CAPZB: variants seen among roughly 807,000 people sequenced by gnomAD.
The protein encoded by CAPZB is capping actin protein of muscle Z-line subunit beta, also known as F-actin-capping protein subunit beta.
Under a neutral mutation model 38.1 loss-of-function variants are expected in CAPZB, and 2 were observed. The observed-to-expected ratio is 0.05, with a 90% CI of 0.02 to 0.17. CAPZB has a LOEUF of 0.17. Among genes scored for constraint, CAPZB ranks in the 10% least tolerant of loss-of-function variants. The pLI is 1.00. For synonymous variants in CAPZB, 107 were observed against 127.4 expected (o/e 0.84, Z 1.08); for missense variants, 161 against 334.2 (o/e 0.48, Z 4.04).
At chr1:19,422,292 G>A (rs763106495) in intron 1 of CAPZB, among the ~76,000 whole-genome samples, 2 of 152,016 alleles carry the variant, frequency 1.3e-5, no homozygotes, top group African/African-American at 4.8e-5. Context: ...CCCAAAACGC[G>A]ATACACAGCC....
At position 19,363,499 on chromosome 1, in the gene CAPZB, G is replaced by A. The variant is rs190655154; in HGVS notation, c.330-5936C>T. Among the ~76,000 whole-genome samples, 343 of 152,156 alleles carry A rather than the reference G, an allele frequency of 2.3e-3. 3 individuals are homozygous for A. In the South Asian group the frequency reaches 0.026, roughly 11 times the overall value. Reference sequence around the variant, plus strand: ...TCCAGTTGAATAATGTCATAGTCACGGATATAGATTCTATGTCCGTAACTT... The same window carrying A: ...TCCAGTTGAATAATGTCATAGTCACAGATATAGATTCTATGTCCGTAACTT... On this transcript the variant is annotated intron_variant, in intron 4 of 8. Transcript: ENST00000264202.
intron 1 of CAPZB, among the ~76,000 whole-genome samples, chr1:19,423,401 G>GT (rs779812356): frequency 6.6e-6 from 1 of 151,848 alleles, no homozygotes; most frequent in Non-Finnish European, 1.5e-5. Context: ...AAGCAACAAC[G>GT]TAAGTGACCC....
At chr1:19,393,941 CTTCCA>C (rs1200053872) in intron 2 of CAPZB, among the ~76,000 whole-genome samples, 1 of 152,214 alleles carries the variant, frequency 6.6e-6, no homozygotes, top group African/African-American at 2.4e-5. Flanking sequence ...CAAGAGGACA[CTTCCA>C]GGTCCAGCCT....
intron 6 of CAPZB, among the ~76,000 whole-genome samples, chr1:19,352,244 C>T (rs915246987): frequency 2.6e-5 from 4 of 152,226 alleles, no homozygotes; most frequent in South Asian, 2.1e-4. Flanking sequence ...CAGGCAAGTG[C>T]CTCTACTGGG....
intron 6 of CAPZB, among the ~76,000 whole-genome samples, chr1:19,350,969 A>G (rs1158520850): frequency 7.0e-6 from 1 of 143,158 alleles, no homozygotes; most frequent in African/African-American, 2.6e-5. Context: ...TTTTGTTTCT[A>G]CTCTACAATG....
intron 2 of CAPZB, among the ~76,000 whole-genome samples, chr1:19,394,668 A>G (rs1285791573): frequency 6.6e-6 from 1 of 152,186 alleles, no homozygotes; most frequent in Non-Finnish European, 1.5e-5. Context: ...GTGAGCAGAG[A>G]TCGCGCCACA....
chr1:19,469,476 C>T (rs907369832), intron 1 of CAPZB, among the ~76,000 whole-genome samples: 2 of 151,998 alleles, frequency 1.3e-5, no homozygotes, highest in Non-Finnish European at 2.9e-5. Flanking sequence ...CATGAGCTAA[C>T]CTTAGAACAC....
intron 1 of CAPZB, among the ~76,000 whole-genome samples, chr1:19,459,309 T>C (rs114149930): frequency 0.013 from 2,047 of 152,242 alleles, 24 homozygotes; most frequent in South Asian, 0.049. Flanking sequence ...CCTCAACAAA[T>C]GTCTATCAAA....
At chr1:19,474,556 C>T (rs570122308) in intron 1 of CAPZB, among the ~76,000 whole-genome samples, 16 of 152,308 alleles carry the variant, frequency 1.1e-4, no homozygotes, top group Middle Eastern at 3.4e-3. Context: ...TGACACTTCA[C>T]ATGCCTTAGA....
intron 1 of CAPZB, among the ~76,000 whole-genome samples, chr1:19,433,780 C>A (rs946321714): frequency 1.3e-5 from 2 of 152,140 alleles, no homozygotes; most frequent in African/African-American, 4.8e-5. Flanking sequence ...GGCTCTTGGG[C>A]TCCAATTTCA....
intron 1 of CAPZB, among the ~76,000 whole-genome samples, chr1:19,439,030 C>T (rs796847074): frequency 1.3e-5 from 2 of 152,338 alleles, no homozygotes; most frequent in South Asian, 2.1e-4. Context: ...TTCATTCTTA[C>T]ATGTTGTAAA....
rs568900865 is a variant in CAPZB at position 19,368,513 on chromosome 1, A to C, written c.329+10027T>G. ...TTTCTTGGAAAAAAAAAAAAAAAAA[A>C]ACGGTGGAGAGAGTCCGAGTTAAAA... On this transcript the variant is annotated intron_variant, in intron 4 of 8. Coordinates refer to ENST00000264202, the MANE Select transcript of CAPZB (RefSeq NM_004930.5). Among the ~76,000 whole-genome samples, 1,145 of 141,816 alleles carry C rather than the reference A, an allele frequency of 8.1e-3. 17 individuals carry two copies. The highest frequency in any genetic ancestry group is 0.028 in the African/African-American group (1,038 of 37,698). 93.0% of individuals were successfully genotyped at this position (141,816 alleles called of 152,430 possible). A position where few individuals can be genotyped will look rare whatever the true frequency, so the allele number is the denominator to read the frequency against.
At position 19,391,388 on chromosome 1, in the gene CAPZB, T is replaced by A. The variant is rs1471026596; in HGVS notation, c.94-5762A>T. Among the ~76,000 whole-genome samples, 5 of 152,206 alleles carry A rather than the reference T, an allele frequency of 3.3e-5. 1 individual carries two copies. Among genetic ancestry groups the A allele is most frequent in the Non-Finnish European group, 7.3e-5 (5 of 68,038 alleles). ...AATGGCCAAATGAACACATTCCATC[T>A]TTTGATCTGCCTGTTGGCCGAGAGC... is the stretch of plus-strand genomic sequence containing the variant. On this transcript the variant is annotated intron_variant, in intron 2 of 8. Transcript: ENST00000264202.
At chr1:19,341,761 C>T (rs1163043625) in intron 8 of CAPZB, among the ~76,000 whole-genome samples, 1 of 152,250 alleles carries the variant, frequency 6.6e-6, no homozygotes, top group Non-Finnish European at 1.5e-5. Context: ...GAGGCTGACC[C>T]GAGTCGTGGG....
At position 19,444,932 on chromosome 1, in the gene CAPZB, G is replaced by A. The variant is rs537488801; in HGVS notation, c.4-25182C>T. ...TAATTTTTGTATTTTTAGTAGAGAC[G>A]GGATCTCACCACGTTGGCCAGGCTG... On this transcript the variant is annotated intron_variant, in intron 1 of 8. Coordinates refer to ENST00000264202, the MANE Select transcript of CAPZB (RefSeq NM_004930.5). 7.9e-5 allele frequency among the ~76,000 whole-genome samples: 12 copies of A among 152,012 alleles called. No homozygotes were observed. The East Asian group carries it at 1.4e-3, about 17-fold the overall frequency.
chr1:19,349,770 C>A (rs7543747), intron 6 of CAPZB, among the ~76,000 whole-genome samples: 5 of 151,930 alleles, frequency 3.3e-5, no homozygotes, highest in Admixed American at 2.6e-4. Flanking sequence ...GGCCACGCAG[C>A]GGCTGGGGAG....
intron 2 of CAPZB, among the ~76,000 whole-genome samples, chr1:19,400,879 GCCT>G (rs2094299830): frequency 1.3e-5 from 2 of 152,172 alleles, no homozygotes; most frequent in South Asian, 4.1e-4. Context: ...GGAGAGCTCA[GCCT>G]CCTACCACCT....
intron 4 of CAPZB, among the ~76,000 whole-genome samples, chr1:19,377,053 G>A (rs1481521292): frequency 3.3e-5 from 5 of 152,154 alleles, no homozygotes; most frequent in Admixed American, 1.3e-4. Flanking sequence ...CATCACCATC[G>A]TTATTTTATT....
In CAPZB at chr1:19,476,530, G is replaced by A. The variant is rs138391276; in HGVS notation, c.3+8906C>T. 5.7e-3 allele frequency among the ~76,000 whole-genome samples: 868 copies of A among 152,322 alleles called. 8 individuals are homozygous for A. The highest frequency in any genetic ancestry group is 0.019 in the African/African-American group (809 of 41,564). ...TCATAGGAAAAAGCCAAAGGATCCTGCAAGGCTTTGTCACCCAATAGTCCC... is the reference window on the plus strand; with the variant it reads ...TCATAGGAAAAAGCCAAAGGATCCTACAAGGCTTTGTCACCCAATAGTCCC... On this transcript the variant is annotated intron_variant, in intron 1 of 8. Transcript: ENST00000264202.
Sources: gnomAD v4.1 joint callset for allele counts (sites outside exome capture counted in the v4.1 genomes callset) on GRCh38, gnomAD v4.1.1 for gene constraint, MANE v1.5 for transcripts, NCBI Gene and HGNC (gene_info 2026-07-23, HGNC 2026-07-21) for gene names.